The following BMERB1 variants were observed in gnomAD, a reference collection of about 807,000 sequenced individuals.
BMERB1 encodes bMERB domain containing 1, also known as bMERB domain-containing protein 1.
Under a neutral mutation model 23.6 loss-of-function variants are expected in BMERB1, and 12 were observed. The observed-to-expected ratio is 0.51, with a 90% CI of 0.33 to 0.82. The LOEUF (loss-of-function observed/expected upper bound fraction) is 0.82. Ranked by LOEUF, BMERB1 falls within the 40% of genes least tolerant of loss-of-function variation. The pLI, the probability that BMERB1 is intolerant of heterozygous loss-of-function variation, is 0.03. For synonymous variants in BMERB1, 122 were observed against 96.6 expected (o/e 1.26, Z -1.54); for missense variants, 247 against 255.4 (o/e 0.97, Z 0.22).
chr16:15,544,253 C>T (rs571283036), intron 2 of BMERB1, among the ~76,000 whole-genome samples: 21 of 152,264 alleles, frequency 1.4e-4, no homozygotes, highest in Admixed American at 1.0e-3. Context: ...TTACTGGTTC[C>T]CTCATTAATG....
In BMERB1 at chr16:15,434,605, C is replaced by T. The variant is rs757088732; in HGVS notation, c.-49C>T. The T allele has an allele frequency of 6.4e-7, 1 of 1,555,168 alleles. No homozygotes were observed. Among genetic ancestry groups the T allele is most frequent in the Non-Finnish European group, 8.9e-7 (1 of 1,126,954 alleles). Reference sequence around the variant, plus strand: ...CCACCTCCCTCCCTGCAGCCCGCAACGGGAATGGAGTAAAGGGAGACCCGT... The same window carrying T: ...CCACCTCCCTCCCTGCAGCCCGCAATGGGAATGGAGTAAAGGGAGACCCGT... On this transcript the variant is annotated 5_prime_UTR_variant, in exon 1 of 6. It adds an upstream start codon to the 5' untranslated region. Transcript: ENST00000300006.
intron 1 of BMERB1, among the ~76,000 whole-genome samples, chr16:15,490,778 G>A (rs1266542046): frequency 1.3e-5 from 2 of 152,332 alleles, no homozygotes; most frequent in East Asian, 3.9e-4. Flanking sequence ...TGGCTAAGTC[G>A]GAAGAAGTGA....
At chr16:15,569,950 C>T (rs1487607980) in intron 3 of BMERB1, among the ~76,000 whole-genome samples, 7 of 152,142 alleles carry the variant, frequency 4.6e-5, no homozygotes, top group Non-Finnish European at 8.8e-5. Flanking sequence ...AGGTTATAAT[C>T]ATTTAAACTA....
intron 1 of BMERB1, among the ~76,000 whole-genome samples, chr16:15,512,772 A>T (rs1419054174): frequency 6.6e-6 from 1 of 150,982 alleles, no homozygotes; most frequent in African/African-American, 2.4e-5. Context: ...CAAGCTACTC[A>T]GGAGGCTGAG....
chr16:15,583,577 CAAAAAAAA>C (rs35021259), intron 5 of BMERB1, among the ~76,000 whole-genome samples: 4 of 61,870 alleles, frequency 6.5e-5, no homozygotes, highest in African/African-American at 2.1e-4. Context: ...GACTTTGTCT[CAAAAAAAA>C]AAAAAAAAAA....
At chr16:15,496,392 A>C (rs1446670648) in intron 1 of BMERB1, among the ~76,000 whole-genome samples, 1 of 152,148 alleles carries the variant, frequency 6.6e-6, no homozygotes, top group Non-Finnish European at 1.5e-5. Flanking sequence ...ACTGCATCCA[A>C]GGGTACCCTC....
chr16:15,535,980 A>G (rs12708796), intron 2 of BMERB1, among the ~76,000 whole-genome samples: 62,644 of 151,856 alleles, frequency 0.41, 14,851 homozygotes, highest in African/African-American at 0.63. Flanking sequence ...AACAGCATGG[A>G]GGAAACTGCC....
At chr16:15,475,383 C>G (rs2051266312) in intron 1 of BMERB1, among the ~76,000 whole-genome samples, 1 of 152,216 alleles carries the variant, frequency 6.6e-6, no homozygotes, top group Non-Finnish European at 1.5e-5. Flanking sequence ...GTCCCCAAAA[C>G]TGTCCTCAAC....
At chr16:15,553,962 G>C (rs2030169135) in intron 2 of BMERB1, among the ~76,000 whole-genome samples, 2 of 152,130 alleles carry the variant, frequency 1.3e-5, no homozygotes, top group South Asian at 2.1e-4. Context: ...CCATGTTAAG[G>C]TTCTTTACAA....
intron 2 of BMERB1, among the ~76,000 whole-genome samples, chr16:15,560,370 G>GT (rs2030383540): frequency 6.6e-6 from 1 of 152,234 alleles, no homozygotes; most frequent in Non-Finnish European, 1.5e-5. Flanking sequence ...CGGAGTAGAA[G>GT]TGGCCTCTGC....
intron 2 of BMERB1, among the ~76,000 whole-genome samples, chr16:15,549,323 C>T (rs1229743328): frequency 8.0e-6 from 1 of 124,516 alleles, no homozygotes; most frequent in African/African-American, 3.1e-5. Flanking sequence ...CCAGCCTGGG[C>T]AACAGAGCAA....
intron 2 of BMERB1, among the ~76,000 whole-genome samples, chr16:15,558,822 C>T (rs1165366271): frequency 6.8e-6 from 1 of 148,040 alleles, no homozygotes; most frequent in Non-Finnish European, 1.5e-5. Flanking sequence ...GTTTGGTGGG[C>T]TTCATCAGGT....
At chr16:15,515,728 G>T (rs2051743153) in intron 2 of BMERB1, among the ~76,000 whole-genome samples, 1 of 152,166 alleles carries the variant, frequency 6.6e-6, no homozygotes, top group Admixed American at 6.5e-5. Context: ...CCCTGTGCTG[G>T]TGTCTTTCAC....
intron 2 of BMERB1, among the ~76,000 whole-genome samples, chr16:15,533,387 G>A (rs1457990710): frequency 6.6e-6 from 1 of 150,404 alleles, no homozygotes; most frequent in African/African-American, 2.5e-5. Flanking sequence ...GAGGAAGTTC[G>A]TTTCTTTCTT....
At chr16:15,474,002 C>G (rs1322817596) in intron 1 of BMERB1, among the ~76,000 whole-genome samples, 3 of 151,834 alleles carry the variant, frequency 2.0e-5, no homozygotes, top group Non-Finnish European at 4.4e-5. Context: ...TGCCTATAGT[C>G]CCAGCTCCTC....
intron 2 of BMERB1, among the ~76,000 whole-genome samples, chr16:15,564,296 G>GT (rs35667970): frequency 2.0e-5 from 3 of 152,094 alleles, no homozygotes; most frequent in African/African-American, 2.4e-5. Flanking sequence ...TTTTTTACAT[G>GT]TTTTTTTGTG....
intron 3 of BMERB1, among the ~76,000 whole-genome samples, chr16:15,576,371 T>C (rs2030860769): frequency 6.6e-6 from 1 of 152,076 alleles, no homozygotes; most frequent in African/African-American, 2.4e-5. Context: ...TTTAAAGCTT[T>C]GCACCTGATT....
intron 5 of BMERB1, 61 bp downstream of exon 5, chr16:15,583,299 G>T: frequency 1.5e-6 from 2 of 1,333,260 alleles, no homozygotes; most frequent in Non-Finnish European, 2.2e-6. Context: ...TTTCAGGCCA[G>T]GCCCACAGTG....
chr16:15,484,096 C>G (rs1340772412), intron 1 of BMERB1, among the ~76,000 whole-genome samples: 1 of 152,134 alleles, frequency 6.6e-6, no homozygotes, highest in Non-Finnish European at 1.5e-5. Context: ...AGCCAGATCT[C>G]TTGGGAATTA....
Sources: allele counts gnomAD v4.1 joint callset (sites outside exome capture counted in the v4.1 genomes callset), GRCh38; gene constraint gnomAD v4.1.1; transcripts MANE v1.5; gene names NCBI Gene and HGNC (gene_info 2026-07-23, HGNC 2026-07-21).